SHISAL1: variants seen among roughly 807,000 people sequenced by gnomAD.
SHISAL1 encodes protein shisa-like-1.
In SHISAL1, 9 loss-of-function variants were observed where a neutral mutation model predicts 22.6. That is an observed-to-expected ratio of 0.40 (90% CI 0.24 to 0.70). SHISAL1 has a LOEUF of 0.70. SHISAL1 is among the 30% of genes least tolerant of loss of function. SHISAL1 has a pLI of 0.39. For synonymous variants in SHISAL1, 119 were observed against 115.4 expected (o/e 1.03, Z -0.20); for missense variants, 246 against 270.6 (o/e 0.91, Z 0.64).
At chr22:44,324,547 G>C in the SHISAL1 span, among the ~76,000 whole-genome samples, 4 of 152,238 alleles carry the variant, frequency 2.6e-5, no homozygotes, top group Non-Finnish European at 5.9e-5. Flanking sequence ...ACAAGGCATT[G>C]AATGCACACT....
chr22:44,253,832 C>CTGTGTGTGTGTGTGTGTG (rs61001074), intron 4 of SHISAL1, among the ~76,000 whole-genome samples: 176 of 149,286 alleles, frequency 1.2e-3, no homozygotes, highest in East Asian at 4.1e-3. Flanking sequence ...AATCTAACAA[C>CTGTGTGTGTGTGTGTGTG]TGTGTGTGTG....
intron 4 of SHISAL1, among the ~76,000 whole-genome samples, chr22:44,267,486 A>T (rs1040598710): frequency 6.8e-6 from 1 of 147,232 alleles, no homozygotes; most frequent in Admixed American, 6.8e-5. Flanking sequence ...CACCACCCTC[A>T]GCCAAGCCAC....
intron 1 of SHISAL1, among the ~76,000 whole-genome samples, chr22:44,307,254 C>A (rs1260771915): frequency 6.6e-6 from 1 of 152,146 alleles, no homozygotes; most frequent in African/African-American, 2.4e-5. Flanking sequence ...TCGCAGAGTT[C>A]TTGGTGCACC....
intron 1 of SHISAL1, among the ~76,000 whole-genome samples, chr22:44,311,003 G>C (rs1027077500): frequency 2.0e-5 from 3 of 152,092 alleles, no homozygotes; most frequent in African/African-American, 7.2e-5. Context: ...CTTCCAGATG[G>C]GAACAGCAGA....
At chr22:44,294,538 A>G (rs887031313) in intron 3 of SHISAL1, among the ~76,000 whole-genome samples, 1 of 152,238 alleles carries the variant, frequency 6.6e-6, no homozygotes, top group East Asian at 1.9e-4. Flanking sequence ...AATTTGAAGG[A>G]TCACATTAAA....
rs185871932 is a variant in SHISAL1, at chr22:44,310,768, C to T, written c.-33+1983G>A. Among the ~76,000 whole-genome samples the T allele has an allele frequency of 9.2e-4, 140 of 152,158 alleles. No individual in the cohort carries two copies. The highest frequency in any genetic ancestry group is 3.0e-3 in the African/African-American group (125 of 41,522). On this transcript the variant is annotated intron_variant, in intron 1 of 4. Transcript: ENST00000381176. The surrounding 1 kb of genome is among the most constrained non-coding windows in gnomAD (Gnocchi z 4.0). ...GTCTGATTTCCCCAGTTCATCTTTC[C>T]GTGCTTTGCTTGTTCCTTTAGTTGG...
the SHISAL1 span, among the ~76,000 whole-genome samples, chr22:44,326,724 TG>T: frequency 1.3e-4 from 20 of 152,192 alleles, no homozygotes; most frequent in Admixed American, 5.9e-4. Flanking sequence ...GAGAGCAGGC[TG>T]GGGGGTATGG....
chr22:44,297,015 A>G (rs1023386382), intron 2 of SHISAL1, 130 bp from the exon 3 acceptor site: 6 of 688,472 alleles, frequency 8.7e-6, no homozygotes, highest in African/African-American at 7.1e-5. Flanking sequence ...TTTGTGGTCC[A>G]CTGTGAGCCT....
At chr22:44,295,726 T>G (rs1370710191) in intron 3 of SHISAL1, among the ~76,000 whole-genome samples, 1 of 151,980 alleles carries the variant, frequency 6.6e-6, no homozygotes, top group Non-Finnish European at 1.5e-5. Flanking sequence ...AATAGAAAAA[T>G]GACAGAAGAC....
chr22:44,282,062 G>C (rs1450032201), intron 4 of SHISAL1, among the ~76,000 whole-genome samples: 1 of 152,244 alleles, frequency 6.6e-6, no homozygotes, highest in Non-Finnish European at 1.5e-5. Flanking sequence ...CTGAGCCACT[G>C]CCGCCAGGGC....
intron 4 of SHISAL1, among the ~76,000 whole-genome samples, chr22:44,258,928 C>T (rs2055103042): frequency 6.6e-6 from 1 of 152,068 alleles, no homozygotes; most frequent in South Asian, 2.1e-4. Context: ...CAGTAAGGGG[C>T]CCATCACAGC....
intron 1 of SHISAL1, among the ~76,000 whole-genome samples, chr22:44,304,860 G>C (rs185452831): frequency 6.6e-6 from 1 of 152,156 alleles, no homozygotes; most frequent in East Asian, 1.9e-4. Context: ...TCTGGCCCCC[G>C]TAGGGTGGGG....
At chr22:44,330,284 C>T in the SHISAL1 span, among the ~76,000 whole-genome samples, 2 of 152,222 alleles carry the variant, frequency 1.3e-5, no homozygotes, top group Non-Finnish European at 2.9e-5. Flanking sequence ...GCTGGGAAGC[C>T]TCAGGAGCCT....
intron 4 of SHISAL1, among the ~76,000 whole-genome samples, chr22:44,259,073 A>C (rs998995762): frequency 1.3e-5 from 2 of 152,174 alleles, no homozygotes; most frequent in Non-Finnish European, 2.9e-5. Context: ...AGGCTCGTGA[A>C]AAAGGGAAGT....
chr22:44,261,075 C>CATATATA (rs1439393669), intron 4 of SHISAL1, among the ~76,000 whole-genome samples: 2 of 53,948 alleles, frequency 3.7e-5, no homozygotes, highest in African/African-American at 1.6e-4. Flanking sequence ...TGCTTCATTA[C>CATATATA]TTTATATATA....
At chr22:44,323,368 A>ACCAT in the SHISAL1 span, among the ~76,000 whole-genome samples, 39 of 109,594 alleles carry the variant, frequency 3.6e-4, no homozygotes, top group African/African-American at 8.6e-4. Context: ...GCATCCATCC[A>ACCAT]CCATCCATCC....
At chr22:44,286,317 G>A (rs1353082828) in intron 3 of SHISAL1, among the ~76,000 whole-genome samples, 9 of 152,188 alleles carry the variant, frequency 5.9e-5, no homozygotes, top group African/African-American at 9.7e-5. Context: ...CGACCAGGCT[G>A]TGCATGGCTG....
At chr22:44,267,864 C>T (rs58862920) in intron 4 of SHISAL1, among the ~76,000 whole-genome samples, 5,232 of 152,324 alleles carry the variant, frequency 0.034, 321 homozygotes, top group African/African-American at 0.12. Context: ...TCCCAGCTGC[C>T]CAGAGAGGCA....
chr22:44,311,816 G>A (rs1033389378), intron 1 of SHISAL1, among the ~76,000 whole-genome samples: 2 of 152,224 alleles, frequency 1.3e-5, no homozygotes, highest in Non-Finnish European at 2.9e-5. Flanking sequence ...GAGCTTGGCC[G>A]AGACAATCAT....
Sources: allele counts gnomAD v4.1 joint callset (sites outside exome capture counted in the v4.1 genomes callset), GRCh38; gene constraint gnomAD v4.1.1; non-coding constraint Gnocchi (gnomAD v3.1); transcripts MANE v1.5; gene names NCBI Gene and HGNC (gene_info 2026-07-23, HGNC 2026-07-21).